RAB28: variants seen among roughly 807,000 people sequenced by gnomAD.
RAB28 encodes RAB28, member RAS oncogene family.
In RAB28, 24 loss-of-function variants were observed where a neutral mutation model predicts 31.7. The observed-to-expected ratio is 0.76, with a 90% CI of 0.55 to 1.06. The LOEUF (loss-of-function observed/expected upper bound fraction) is 1.06. Among genes scored for constraint, RAB28 ranks in the 50% least tolerant of loss-of-function variants. RAB28 has a pLI of 0.00. For synonymous variants in RAB28, 100 were observed against 90.4 expected (o/e 1.11, Z -0.60); for missense variants, 254 against 258.5 (o/e 0.98, Z 0.12).
At chr4:13,395,859 TC>T (rs1729853829) in intron 4 of RAB28, among the ~76,000 whole-genome samples, 1 of 152,048 alleles carries the variant, frequency 6.6e-6, no homozygotes, top group Admixed American at 6.6e-5. Flanking sequence ...TTCACAATGT[TC>T]CTAGTTTCCC....
In RAB28 at chr4:13,367,918, G is replaced by A. The variant is rs946977781; in HGVS notation, c.*640C>T. On this transcript the variant is annotated 3_prime_UTR_variant, in exon 7 of 7. Transcript: ENST00000330852. Reference sequence around the variant, plus strand: ...GTATTACACAATACATAACGACAACGATACAGTAATAAAAATACAATATCA... The same window carrying A: ...GTATTACACAATACATAACGACAACAATACAGTAATAAAAATACAATATCA... 1.1e-5 allele frequency: 11 copies of A among 981,104 alleles called. No homozygotes were observed. The South Asian group carries it at 2.4e-4, about 21-fold the overall frequency. 60.8% of individuals were successfully genotyped at this position (981,104 alleles called of 1,614,324 possible). A position where few individuals can be genotyped will look rare whatever the true frequency, so the allele number is the denominator to read the frequency against.
At chr4:13,472,492 G>A (rs1716165166) in intron 3 of RAB28, among the ~76,000 whole-genome samples, 1 of 151,630 alleles carries the variant, frequency 6.6e-6, no homozygotes, top group Non-Finnish European at 1.5e-5. Flanking sequence ...TAATTTTTAA[G>A]TGAAGAAAAA....
At chr4:13,431,857 C>T (rs931555534) in intron 4 of RAB28, among the ~76,000 whole-genome samples, 3 of 152,030 alleles carry the variant, frequency 2.0e-5, no homozygotes, top group African/African-American at 7.2e-5. Flanking sequence ...GAGAAGGAAT[C>T]AGCAGAAGAA....
intron 6 of RAB28, among the ~76,000 whole-genome samples, chr4:13,373,713 T>G (rs556171917): frequency 6.6e-6 from 1 of 152,222 alleles, no homozygotes; most frequent in Non-Finnish European, 1.5e-5. Context: ...TAGCAGAATC[T>G]CTTTAAATTG....
At chr4:13,402,632 A>C (rs1362049709) in intron 4 of RAB28, among the ~76,000 whole-genome samples, 1 of 152,036 alleles carries the variant, frequency 6.6e-6, no homozygotes, top group African/African-American at 2.4e-5. Context: ...TTTAAAGTAG[A>C]TTTTTATAGA....
intron 4 of RAB28, among the ~76,000 whole-genome samples, chr4:13,429,178 C>A (rs1577206224): frequency 6.6e-6 from 1 of 152,000 alleles, no homozygotes; most frequent in East Asian, 1.9e-4. Context: ...AACTCCTGAC[C>A]TCAAGTGATC....
chr4:13,425,982 T>C (rs535941838), intron 4 of RAB28, among the ~76,000 whole-genome samples: 2 of 152,048 alleles, frequency 1.3e-5, no homozygotes, highest in Non-Finnish European at 2.9e-5. Flanking sequence ...CAGTGAAATA[T>C]AAAAGAAAAA....
At chr4:13,419,482 T>C (rs566777472) in intron 4 of RAB28, among the ~76,000 whole-genome samples, 81 of 152,260 alleles carry the variant, frequency 5.3e-4, no homozygotes, top group South Asian at 1.7e-3. Flanking sequence ...TATTCCAAAA[T>C]TGACTACATA....
chr4:13,449,072 A>G (rs1714838947), intron 4 of RAB28, among the ~76,000 whole-genome samples: 1 of 152,020 alleles, frequency 6.6e-6, no homozygotes, highest in Non-Finnish European at 1.5e-5. Context: ...CTTAAAATGT[A>G]TAAAGAGAAT....
intron 4 of RAB28, among the ~76,000 whole-genome samples, chr4:13,407,060 T>C (rs2108905608): frequency 6.6e-6 from 1 of 152,288 alleles, no homozygotes; most frequent in Admixed American, 6.5e-5. Flanking sequence ...GTTTTAGTCA[T>C]GAAGTCATGA....
chr4:13,475,006 C>A (rs1429642939), intron 2 of RAB28, among the ~76,000 whole-genome samples: 3 of 151,552 alleles, frequency 2.0e-5, no homozygotes, highest in Admixed American at 6.6e-5. Context: ...CATTTGATAG[C>A]CCTATTCAGA....
chr4:13,386,416 A>T (rs1284477638), intron 4 of RAB28, among the ~76,000 whole-genome samples: 2 of 152,154 alleles, frequency 1.3e-5, no homozygotes, highest in Non-Finnish European at 2.9e-5. Context: ...TTACAAGAAA[A>T]AAAAACAGCT....
intron 4 of RAB28, among the ~76,000 whole-genome samples, chr4:13,408,816 A>G (rs956020776): frequency 6.6e-6 from 1 of 152,202 alleles, no homozygotes; most frequent in African/African-American, 2.4e-5. Flanking sequence ...GCATTACAAA[A>G]TAATTAAAGA....
At chr4:13,383,797 C>T (rs1024391160) in intron 4 of RAB28, among the ~76,000 whole-genome samples, 24 of 152,220 alleles carry the variant, frequency 1.6e-4, no homozygotes, top group Admixed American at 1.5e-3. Context: ...CCATGTAAGG[C>T]GTGCCTGTGC....
chr4:13,407,818 T>C (rs1363535684), intron 4 of RAB28, among the ~76,000 whole-genome samples: 1 of 152,196 alleles, frequency 6.6e-6, no homozygotes, highest in Non-Finnish European at 1.5e-5. Context: ...TCTCTGTTTG[T>C]CTATTATTGG....
In RAB28 at chr4:13,484,264, G is replaced by C; in HGVS notation, c.-114C>G. The C allele has an allele frequency of 1.3e-6, 1 of 769,600 alleles. No homozygotes were observed. 47.7% of individuals were successfully genotyped at this position (769,600 alleles called of 1,614,324 possible). ...TAGTTGCGGCAGGACCCCCGCCCCG[G>C]TGTCTCCGCGCCGGCAGGAGGTATT... On this transcript the variant is annotated 5_prime_UTR_variant, in exon 1 of 7. Coordinates refer to ENST00000330852, the MANE Select transcript of RAB28 (RefSeq NM_001017979.3).
At chr4:13,455,476 C>T (rs1396222030) in intron 4 of RAB28, among the ~76,000 whole-genome samples, 1 of 152,146 alleles carries the variant, frequency 6.6e-6, no homozygotes, top group Non-Finnish European at 1.5e-5. Flanking sequence ...TGGTGTTCAG[C>T]CACACATTTG....
At chr4:13,385,350 G>A (rs1729322050) in intron 4 of RAB28, among the ~76,000 whole-genome samples, 1 of 152,026 alleles carries the variant, frequency 6.6e-6, no homozygotes. Flanking sequence ...GAAATGAAGA[G>A]AACCCCAGTA....
intron 2 of RAB28, among the ~76,000 whole-genome samples, chr4:13,478,236 G>C (rs998730654): frequency 1.3e-5 from 2 of 151,528 alleles, no homozygotes; most frequent in Non-Finnish European, 3.0e-5. Flanking sequence ...TTCAGTTTTG[G>C]ATACAATAAA....
Sources: gnomAD v4.1 joint callset for allele counts (sites outside exome capture counted in the v4.1 genomes callset) on GRCh38, gnomAD v4.1.1 for gene constraint, MANE v1.5 for transcripts, NCBI Gene and HGNC (gene_info 2026-07-23, HGNC 2026-07-21) for gene names.